PDZD2: variants seen among roughly 807,000 people sequenced by gnomAD.
PDZD2 encodes the protein PDZ domain-containing protein 2.
A neutral mutation model predicts 220.7 loss-of-function variants in PDZD2; 90 were observed. The observed-to-expected ratio is 0.41, with a 90% CI of 0.34 to 0.49. PDZD2 has a LOEUF of 0.49. Among genes scored for constraint, PDZD2 ranks in the 20% least tolerant of loss-of-function variants. The pLI is 0.28. For synonymous variants in PDZD2, 1,375 were observed against 1,450.5 expected, an observed-to-expected ratio of 0.95 and a Z score of 1.18; for missense variants, 3,174 against 3,608.5, an observed-to-expected ratio of 0.88 and a Z score of 3.08.
chr5:31,648,540 C>T (rs1380313507), intron 1 of PDZD2, among the ~76,000 whole-genome samples: 2 of 152,180 alleles, frequency 1.3e-5, no homozygotes, highest in African/African-American at 2.4e-5. Context: ...CCACAGCAGC[C>T]GCCCTTGTTA....
intron 2 of PDZD2, chr5:31,847,365 C>T (rs116434399): frequency 5.2e-4 from 224 of 430,890 alleles, no homozygotes; most frequent in African/African-American, 4.3e-3. Flanking sequence ...GATTACTATG[C>T]TAAGAAACGC....
intron 1 of PDZD2, among the ~76,000 whole-genome samples, chr5:31,795,636 T>C (rs1753978684): frequency 1.3e-5 from 2 of 152,336 alleles, no homozygotes; most frequent in Admixed American, 6.5e-5. Flanking sequence ...ATTTCTGTTC[T>C]GTATCTTCCC....
chr5:31,953,217 G>T (rs1747339763), intron 2 of PDZD2, among the ~76,000 whole-genome samples: 1 of 152,106 alleles, frequency 6.6e-6, no homozygotes, highest in African/African-American at 2.4e-5. Context: ...TGGCCCATAT[G>T]GGACAGGAAA....
At chr5:31,815,155 G>C (rs548669171) in intron 2 of PDZD2, among the ~76,000 whole-genome samples, 2 of 142,870 alleles carry the variant, frequency 1.4e-5, no homozygotes, top group South Asian at 4.4e-4. Flanking sequence ...TGAGGCGAGA[G>C]AATCACTTGA....
intron 2 of PDZD2, among the ~76,000 whole-genome samples, chr5:31,870,126 C>T (rs1032812953): frequency 1.1e-4 from 16 of 152,146 alleles, no homozygotes; most frequent in Non-Finnish European, 1.3e-4. Context: ...TGGATTCCTC[C>T]GGAGTTCCCT....
intron 1 of PDZD2, among the ~76,000 whole-genome samples, chr5:31,692,423 G>A (rs1192473155): frequency 1.3e-5 from 2 of 152,256 alleles, no homozygotes; most frequent in Non-Finnish European, 2.9e-5. Flanking sequence ...CAGTGTAGCG[G>A]CGGGCTGAAG....
At chr5:31,903,660 A>G (rs199513203) in intron 2 of PDZD2, among the ~76,000 whole-genome samples, 176 of 114,476 alleles carry the variant, frequency 1.5e-3, no homozygotes, top group Middle Eastern at 0.013. Context: ...AAAAAAAAAA[A>G]AAAGAAAGAA....
chr5:31,886,408 G>C (rs1033601361), intron 2 of PDZD2, among the ~76,000 whole-genome samples: 2 of 152,066 alleles, frequency 1.3e-5, no homozygotes, highest in African/African-American at 4.8e-5. Flanking sequence ...CTTCCTCCCA[G>C]CTTGCTGAGC....
At chr5:31,714,883 C>T (rs1748344424) in intron 1 of PDZD2, among the ~76,000 whole-genome samples, 1 of 151,778 alleles carries the variant, frequency 6.6e-6, no homozygotes, top group South Asian at 2.1e-4. Context: ...ACGGTGAAAC[C>T]CCGTCTCTAC....
In PDZD2 at chr5:31,799,384, A is replaced by G. The variant is rs368023621; in HGVS notation, c.136A>G (p.Ile46Val). Residue 46 changes from isoleucine to valine, a missense_variant, in exon 2 of 25, where the codon ATC (isoleucine) becomes GTC (valine). Transcript: ENST00000438447. ...QAAIQKLQEY[I>V]QLNFAVDEST... ...GGCCATCCAGAAGCTGCAGGAGTAC[A>G]TCCAGCTGAACTTTGCTGTGGATGA... is the stretch of plus-strand genomic sequence containing the variant. The G allele has an allele frequency of 2.5e-6, 4 of 1,614,062 alleles. No homozygotes were observed. In the African/African-American group the frequency reaches 5.3e-5, roughly 22 times the overall value.
intron 1 of PDZD2, among the ~76,000 whole-genome samples, chr5:31,711,003 C>T (rs1203309354): frequency 6.6e-6 from 1 of 152,174 alleles, no homozygotes; most frequent in Non-Finnish European, 1.5e-5. Context: ...TATGTTGCAA[C>T]AATTTCCATT....
intron 10 of PDZD2, among the ~76,000 whole-genome samples, chr5:32,056,858 G>A (rs1222324792): frequency 6.6e-6 from 1 of 152,144 alleles, no homozygotes; most frequent in Non-Finnish European, 1.5e-5. Context: ...GGGAAGCCGA[G>A]GCGGGCAGAT....
intron 2 of PDZD2, among the ~76,000 whole-genome samples, chr5:31,887,926 G>A (rs998275578): frequency 5.3e-5 from 8 of 152,104 alleles, no homozygotes; most frequent in Admixed American, 3.3e-4. Context: ...GAAGAGTGGC[G>A]AGAGTCGGGG....
At chr5:31,715,470 T>C (rs1258071722) in intron 1 of PDZD2, among the ~76,000 whole-genome samples, 3 of 152,218 alleles carry the variant, frequency 2.0e-5, no homozygotes, top group Non-Finnish European at 4.4e-5. Flanking sequence ...TTTGTGATCA[T>C]TAAGATACAG....
At chr5:32,040,312 C>G (rs2112241776) in intron 7 of PDZD2, among the ~76,000 whole-genome samples, 1 of 145,028 alleles carries the variant, frequency 6.9e-6, no homozygotes, top group African/African-American at 2.6e-5. Context: ...TGGGGGGCGC[C>G]TCTGCCCAGC....
Position 32,028,775 on chromosome 5 carries a change from C to T in PDZD2, c.1408-8456C>T, listed in dbSNP as rs544468207. 4.4e-3 allele frequency among the ~76,000 whole-genome samples: 664 copies of T among 151,494 alleles called. 4 individuals carry two copies. The highest frequency in any genetic ancestry group is 0.015 in the African/African-American group (633 of 41,308). On this transcript the variant is annotated intron_variant, in intron 6 of 24. Coordinates refer to ENST00000438447, the MANE Select transcript of PDZD2 (RefSeq NM_178140.4). ...TTGGCTCACTGCAACCTCTGCCTCC[C>T]GGATTCAAGGAATTCTCCTGCCTTA...
intron 6 of PDZD2, among the ~76,000 whole-genome samples, chr5:32,014,108 T>C (rs1753541057): frequency 6.6e-6 from 1 of 152,198 alleles, no homozygotes; most frequent in Non-Finnish European, 1.5e-5. Flanking sequence ...TCAGCGTTTT[T>C]AAAAATGAAA....
chr5:31,707,654 G>A (rs1165000187), intron 1 of PDZD2, among the ~76,000 whole-genome samples: 1 of 152,088 alleles, frequency 6.6e-6, no homozygotes, highest in African/African-American at 2.4e-5. Flanking sequence ...TTTTATCGGG[G>A]CCTCACTCTG....
intron 14 of PDZD2, among the ~76,000 whole-genome samples, chr5:32,061,585 A>G (rs1252400386): frequency 6.6e-6 from 1 of 152,164 alleles, no homozygotes; most frequent in Non-Finnish European, 1.5e-5. Flanking sequence ...ATTTATTTTT[A>G]AAACAGTTTC....
Sources: gnomAD v4.1 joint callset for allele counts (sites outside exome capture counted in the v4.1 genomes callset) on GRCh38, gnomAD v4.1.1 for gene constraint, MANE v1.5 for transcripts, NCBI Gene and HGNC (gene_info 2026-07-23, HGNC 2026-07-21) for gene names.